ORC6: variants seen among roughly 807,000 people sequenced by gnomAD.
ORC6 encodes the protein origin recognition complex, subunit 6 homolog-like (yeast).
ORC6 carries 31 observed loss-of-function variants against 30.0 expected under a neutral mutation model. The ratio of observed to expected loss-of-function variants is 1.03; its 90% CI spans 0.78 to 1.40. The LOEUF is 1.40. Among genes scored for constraint, ORC6 ranks in the 40% most tolerant of loss-of-function variants. The pLI, the probability that ORC6 is intolerant of heterozygous loss-of-function variation, is 0.00. For synonymous variants in ORC6, 136 were observed against 111.2 expected (o/e 1.22, Z -1.40); for missense variants, 340 against 304.3 (o/e 1.12, Z -0.87).
rs544057486 is a variant in ORC6, at chr16:46,692,920, T to C, written c.360-173T>C. 3.9e-5 allele frequency among the ~76,000 whole-genome samples: 6 copies of C among 152,176 alleles called. No individual in the cohort carries two copies. The South Asian group carries it at 1.2e-3, about 32-fold the overall frequency. On this transcript the variant is annotated intron_variant, in intron 3 of 6. Coordinates refer to ENST00000219097, the MANE Select transcript of ORC6 (RefSeq NM_014321.4). ...GGACCAGAAAATTTATACTGATAGA[T>C]ACAAATTATCCATTGTCCTGTTCTG...
Position 46,692,007 on chromosome 16 carries a change from C to T in ORC6, c.196-375C>T, listed in dbSNP as rs72816875. Among the ~76,000 whole-genome samples, 1,305 of 150,796 alleles carry T rather than the reference C, an allele frequency of 8.7e-3. 8 individuals carry two copies. Among genetic ancestry groups the T allele is most frequent in the Non-Finnish European group, 0.014 (949 of 67,684 alleles). ...ACCACCCCGCCCCCTACTCCACTCC[C>T]GCTACTTCTCTCCTTCCTTTTCCCA... is the stretch of plus-strand genomic sequence containing the variant. On this transcript the variant is annotated intron_variant, in intron 2 of 6. Transcript: ENST00000219097.
chr16:46,695,297 G>T, intron 4 of ORC6: 1 of 406,784 alleles, frequency 2.5e-6, no homozygotes, highest in Non-Finnish European at 4.4e-6. Flanking sequence ...ATTTACTAAA[G>T]AGTTCTAAAA....
chr16:46,695,650 G>C lies in ORC6; in HGVS notation c.538G>C (p.Glu180Gln), dbSNP rs1966510366. Residue 180 changes from glutamate (E) to glutamine (Q), a missense_variant, in exon 5 of 7, where the codon GAG (glutamate) becomes CAG (glutamine). Transcript: ENST00000219097. ...ATTTGATCGACTGTGTAAACAACTA[G>C]AGAAGATTGGACAGCAGGTCGACAG... ...AIFDRLCKQL[E>Q]KIGQQVDREP... 6.2e-7 allele frequency: 1 copy of C among 1,608,220 alleles called. No homozygotes were observed. The highest frequency in any genetic ancestry group is 1.3e-5 in the African/African-American group (1 of 74,810).
At chr16:46,696,432 A>G (rs571720402) in intron 6 of ORC6, among the ~76,000 whole-genome samples, 1 of 152,132 alleles carries the variant, frequency 6.6e-6, no homozygotes, top group African/African-American at 2.4e-5. Context: ...TAGTTGTATA[A>G]CAAGTCAGCT....
chr16:46,695,506 C>T (rs1966508038), intron 4 of ORC6, 56 bp from the exon 5 acceptor site: 7 of 1,047,902 alleles, frequency 6.7e-6, no homozygotes. Flanking sequence ...TCTGGTTGCC[C>T]AGAGAAGAAA....
chr16:46,697,026 T>C (rs1273342936), intron 6 of ORC6, among the ~76,000 whole-genome samples: 1 of 152,242 alleles, frequency 6.6e-6, no homozygotes, highest in Non-Finnish European at 1.5e-5. Context: ...ATGTGATTAA[T>C]ATTATCACCT....
rs755355386 is a variant in ORC6 at position 46,695,703 on chromosome 16, CA to C, written c.562+30del. The C allele has an allele frequency of 9.4e-6, 13 of 1,380,254 alleles. No homozygotes were observed. The East Asian group carries it at 2.7e-4, about 29-fold the overall frequency. 85.5% of individuals were successfully genotyped at this position (1,380,254 alleles called of 1,614,324 possible). A position where few individuals can be genotyped will look rare whatever the true frequency, so the allele number is the denominator to read the frequency against. On this transcript the variant is annotated intron_variant, in intron 5 of 6. Coordinates refer to ENST00000219097, the MANE Select transcript of ORC6 (RefSeq NM_014321.4). ...AGTATTCTGTAGTTCAAGAATGCGT[CA>C]TTTGAAAATGTAGTCCTTTTGCTTG...
In ORC6 at chr16:46,696,085, G is replaced by C; in HGVS notation, c.631G>C (p.Glu211Gln). ...GATAGTGGTTGAAGCCCCAGCAAAGGGTAAGTTTTACTAACACGGTACTGA... is the reference window on the plus strand; with the variant it reads ...GATAGTGGTTGAAGCCCCAGCAAAGCGTAAGTTTTACTAACACGGTACTGA... ...KKIVVEAPAK[E>Q]MEKVEEMPHK... The change falls in exon 6 of 7, where the codon GAA (glutamate) becomes CAA (glutamine). Residue 211 changes from glutamate (E) to glutamine (Q), a missense_variant and splice_region_variant. Physicochemically the swap from Glu to Gln is conservative, Grantham distance 29. Transcript: ENST00000219097. The C allele has an allele frequency of 6.2e-7, 1 of 1,608,724 alleles. No individual in the cohort carries two copies. Among genetic ancestry groups the C allele is most frequent in the South Asian group, 1.1e-5 (1 of 90,968 alleles).
chr16:46,696,424 G>A (rs564261986), intron 6 of ORC6, among the ~76,000 whole-genome samples: 1 of 152,256 alleles, frequency 6.6e-6, no homozygotes, highest in Admixed American at 6.5e-5. Context: ...GAAGTCCCTA[G>A]TTGTATAACA....
chr16:46,696,259 A>G (rs1486445614), intron 6 of ORC6, 174 bp downstream of exon 6: 2 of 661,396 alleles, frequency 3.0e-6, no homozygotes, highest in Non-Finnish European at 2.8e-6. Context: ...TTATTGGGTA[A>G]TTAAGAATAT....
rs753727001 is a variant in ORC6, at chr16:46,689,688, C to A, written c.-18C>A. 6.3e-7 allele frequency: 1 copy of A among 1,596,322 alleles called. No homozygotes were observed. The highest frequency in any genetic ancestry group is 8.5e-7 in the Non-Finnish European group (1 of 1,171,214). On this transcript the variant is annotated 5_prime_UTR_variant, in exon 1 of 7. Coordinates refer to ENST00000219097, the MANE Select transcript of ORC6 (RefSeq NM_014321.4). Reference sequence around the variant, plus strand: ...ACCCGCGGCGTTCACGGGAATTGTTCGCTTTAGTGCCGGCGCCATGGGGTC... The same window carrying A: ...ACCCGCGGCGTTCACGGGAATTGTTAGCTTTAGTGCCGGCGCCATGGGGTC...
At chr16:46,690,249 C>T (rs954732380) in intron 1 of ORC6, among the ~76,000 whole-genome samples, 2 of 152,282 alleles carry the variant, frequency 1.3e-5, no homozygotes, top group East Asian at 3.9e-4. Context: ...GCGCCGTTCC[C>T]GCTGAGGCCG....
Position 46,698,121 on chromosome 16 carries a change from A to G in ORC6, c.*536A>G, listed in dbSNP as rs1282831207. On this transcript the variant is annotated 3_prime_UTR_variant, in exon 7 of 7. Coordinates refer to ENST00000219097, the MANE Select transcript of ORC6 (RefSeq NM_014321.4). ...CAGAGCGAGACTTATCTCATAAATA[A>G]ATAGATAGATACTCCAGCCTGGGTG... The G allele has an allele frequency of 4.6e-6, 2 of 435,588 alleles. No individual in the cohort carries two copies. Among genetic ancestry groups the G allele is most frequent in the Non-Finnish European group, 9.4e-6 (2 of 213,586 alleles). 27.0% of individuals were successfully genotyped at this position (435,588 alleles called of 1,614,324 possible). A position where few individuals can be genotyped will look rare whatever the true frequency, so the allele number is the denominator to read the frequency against.
intron 3 of ORC6, among the ~76,000 whole-genome samples, chr16:46,692,891 G>GA (rs1000426565): frequency 1.5e-4 from 22 of 151,248 alleles, no homozygotes; most frequent in Admixed American, 9.9e-4. Flanking sequence ...GGTGGCGGTG[G>GA]GGGGGACCAG....
rs374776593 is a variant in ORC6 at position 46,692,017 on chromosome 16, C to G, written c.196-365C>G. On this transcript the variant is annotated intron_variant, in intron 2 of 6. Coordinates refer to ENST00000219097, the MANE Select transcript of ORC6 (RefSeq NM_014321.4). ...CCCCTACTCCACTCCCGCTACTTCT[C>G]TCCTTCCTTTTCCCAATAAATTACA... 1.3e-4 allele frequency among the ~76,000 whole-genome samples: 19 copies of G among 150,906 alleles called. 1 individual carries two copies. Among genetic ancestry groups the G allele is most frequent in the Non-Finnish European group, 1.5e-4 (10 of 67,642 alleles).
chr16:46,693,714 C>CTG (rs1966477864), intron 4 of ORC6: 1 of 160,316 alleles, frequency 6.2e-6, no homozygotes, highest in African/African-American at 2.4e-5. Flanking sequence ...GAGGCTGAAG[C>CTG]TGAAGGCTCA....
Position 46,697,531 on chromosome 16 carries a change from G to C in ORC6, c.705G>C (p.Trp235Cys). The change falls in exon 7 of 7, where the codon TGG becomes TGC. Residue 235 changes from tryptophan to cysteine, a missense_variant. By Grantham distance (215) the Trp-to-Cys change is radical. Coordinates refer to ENST00000219097, the MANE Select transcript of ORC6 (RefSeq NM_014321.4). Reference sequence around the variant, plus strand: ...ATCTGACACAGGATTATGAAGAATGGAAAAGAAAAATTTTGGAAAATGCTG... The same window carrying C: ...ATCTGACACAGGATTATGAAGAATGCAAAAGAAAAATTTTGGAAAATGCTG... ...DEDLTQDYEE[W>C]KRKILENAAS... 5 of 1,614,036 alleles carry C rather than the reference G, an allele frequency of 3.1e-6. No individual in the cohort carries two copies. Among genetic ancestry groups the C allele is most frequent in the Non-Finnish European group, 4.2e-6 (5 of 1,179,914 alleles).
intron 4 of ORC6, chr16:46,694,622 GCTGGCCGGGC>G: frequency 3.6e-5 from 2 of 55,922 alleles, no homozygotes; most frequent in Non-Finnish European, 8.9e-5. Context: ...GGCCGGGGCG[GCTGGCCGGGC>G]GGGGGGCTGA....
At chr16:46,690,762 A>C in intron 1 of ORC6, 1 of 579,812 alleles carries the variant, frequency 1.7e-6, no homozygotes, top group Non-Finnish European at 3.1e-6. Flanking sequence ...TTTTTTTGTC[A>C]AAATTTAACT....
Sources: allele counts gnomAD v4.1 joint callset (sites outside exome capture counted in the v4.1 genomes callset), GRCh38; gene constraint gnomAD v4.1.1; transcripts MANE v1.5; gene names NCBI Gene and HGNC (gene_info 2026-07-23, HGNC 2026-07-21).